TF: variants seen among roughly 807,000 people sequenced by gnomAD.
The protein encoded by TF is transferrin.
TF carries 55 observed loss-of-function variants against 82.4 expected under a neutral mutation model. That is an observed-to-expected ratio of 0.67 (90% confidence interval 0.54 to 0.84). The LOEUF is 0.84. TF is among the 40% of genes least tolerant of loss of function. TF has a pLI of 0.00. For synonymous variants in TF, 332 were observed against 332.6 expected (o/e 1.00, Z 0.02); for missense variants, 737 against 868.4 (o/e 0.85, Z 1.90).
the TF span, among the ~76,000 whole-genome samples, chr3:133,723,851 T>A: frequency 6.6e-6 from 1 of 151,692 alleles, no homozygotes; most frequent in Non-Finnish European, 1.5e-5. Flanking sequence ...TTCCCCTTCC[T>A]GTGTCCATGT....
In TF at chr3:133,756,943, T is replaced by C. The variant is rs8177232; in HGVS notation, c.804T>C (p.His268=). 0.01 allele frequency: 16,367 copies of C among 1,614,086 alleles called. 1,369 individuals are homozygous for C. In the African/African-American group the frequency reaches 0.19, roughly 19 times the overall value. The change falls in exon 7 of 17, where the codon CAT becomes CAC. Residue 268 remains histidine, a synonymous_variant. Coordinates refer to ENST00000402696, the MANE Select transcript of TF (RefSeq NM_001063.4). The part of the protein sequence containing the change: ...KDCHLAQVPS[H]TVVARSMGGK... ...GCCACTTGGCCCAGGTCCCTTCTCA[T>C]ACCGTCGTGGCCCGAAGTATGGGCG... is the stretch of plus-strand genomic sequence containing the variant.
the TF span, among the ~76,000 whole-genome samples, chr3:133,723,074 TC>T: frequency 6.6e-6 from 1 of 152,088 alleles, no homozygotes; most frequent in African/African-American, 2.4e-5. Flanking sequence ...AGTTTTTTTT[TC>T]CTCTCAGCAC....
chr3:133,670,971 T>C, the TF span, among the ~76,000 whole-genome samples: 1 of 152,080 alleles, frequency 6.6e-6, no homozygotes, highest in Non-Finnish European at 1.5e-5. Context: ...CAAGATCCCA[T>C]TGAGAAGGGA....
the TF span, among the ~76,000 whole-genome samples, chr3:133,686,137 G>C: frequency 1.5e-3 from 226 of 152,222 alleles, 2 homozygotes; most frequent in African/African-American, 5.2e-3. Flanking sequence ...CGAAAACTGG[G>C]TAGCCATATG....
rs892558121 is a variant in TF at position 133,791,360 on chromosome 3, G to A, written c.*12740G>A. On this transcript the variant is annotated 3_prime_UTR_variant, in exon 17 of 17. Coordinates refer to ENST00000402696, the MANE Select transcript of TF (RefSeq NM_001063.4). ...GAATATTCTTAATTCATGGCAATGTGTTTGTTTGCATATAGTCAAGCAGGG... is the reference window on the plus strand; with the variant it reads ...GAATATTCTTAATTCATGGCAATGTATTTGTTTGCATATAGTCAAGCAGGG... 11 of 152,158 alleles carry A rather than the reference G, an allele frequency of 7.2e-5. No homozygotes were observed. The highest frequency in any genetic ancestry group is 1.3e-4 in the Non-Finnish European group (9 of 68,030). The allele number at this position is 152,158 out of a possible 1,614,324, so 9.4% of individuals were successfully genotyped here.
In TF at chr3:133,755,475, C is replaced by A. The variant is rs1046416896; in HGVS notation, c.615C>A (p.Phe205Leu). Reference sequence around the variant, plus strand: ...GCTGCTCCACCCTTAACCAATACTTCGGCTACTCGGGAGCCTTCAAGTGAG... The same window carrying A: ...GCTGCTCCACCCTTAACCAATACTTAGGCTACTCGGGAGCCTTCAAGTGAG... ...GCGCSTLNQY[F>L]GYSGAFKCLK... The change falls in exon 5 of 17, where the codon TTC (phenylalanine) becomes TTA (leucine). Residue 205 changes from phenylalanine (F) to leucine (L), a missense_variant. Physicochemically the swap from Phe to Leu is conservative, Grantham distance 22. Coordinates refer to ENST00000402696, the MANE Select transcript of TF (RefSeq NM_001063.4). 6.2e-7 allele frequency: 1 copy of A among 1,614,016 alleles called. No individual in the cohort carries two copies. Among genetic ancestry groups the A allele is most frequent in the African/African-American group, 1.3e-5 (1 of 74,936 alleles).
At position 133,754,041 on chromosome 3, in the gene TF, C is replaced by T. The variant is rs1933753507; in HGVS notation, c.325+338C>T. The T allele has an allele frequency of 5.1e-5, 24 of 467,436 alleles. 2 individuals carry two copies. The highest frequency in any genetic ancestry group is 4.9e-4 in the South Asian group (23 of 46,748). The allele number at this position is 467,436 out of a possible 1,614,324, so 29.0% of individuals were successfully genotyped here. A position where few individuals can be genotyped will look rare whatever the true frequency, so the allele number is the denominator to read the frequency against. ...GAGGCCTCTGGAGCCATAGGTACCA[C>T]TCACACAGGAGGGGTCACTCTGGAG... is the stretch of plus-strand genomic sequence containing the variant. On this transcript the variant is annotated intron_variant, in intron 3 of 16. Transcript: ENST00000402696.
chr3:133,717,137 C>T, the TF span, among the ~76,000 whole-genome samples: 1,013 of 152,272 alleles, frequency 6.7e-3, 8 homozygotes, highest in African/African-American at 0.023. Context: ...TATATTTTCT[C>T]TACTTACCTT....
At chr3:133,705,683 G>A in the TF span, among the ~76,000 whole-genome samples, 1 of 152,326 alleles carries the variant, frequency 6.6e-6, no homozygotes, top group East Asian at 1.9e-4. Flanking sequence ...TTTGGATGGA[G>A]TAATGTGAGG....
the TF span, among the ~76,000 whole-genome samples, chr3:133,716,649 C>G: frequency 6.6e-6 from 1 of 152,304 alleles, no homozygotes; most frequent in East Asian, 1.9e-4. Context: ...TTGTCCCACT[C>G]TCCTCCACAA....
rs1018194549 is a variant in TF, at chr3:133,787,030, G to T, written c.*8410G>T. 2 of 152,146 alleles carry T rather than the reference G, an allele frequency of 1.3e-5. No homozygotes were observed. Among genetic ancestry groups the T allele is most frequent in the African/African-American group, 4.8e-5 (2 of 41,428 alleles). The allele number at this position is 152,146 out of a possible 1,614,324, so 9.4% of individuals were successfully genotyped here. Reference sequence around the variant, plus strand: ...TTGTTCAATGGTTTAGAAATGGGAGGGAAGAAATTGCCAAAGGTAATATGC... The same window carrying T: ...TTGTTCAATGGTTTAGAAATGGGAGTGAAGAAATTGCCAAAGGTAATATGC... On this transcript the variant is annotated 3_prime_UTR_variant, in exon 17 of 17. Coordinates refer to ENST00000402696, the MANE Select transcript of TF (RefSeq NM_001063.4).
intron 2 of TF, among the ~76,000 whole-genome samples, chr3:133,750,358 C>G (rs1933625496): frequency 6.6e-6 from 1 of 152,136 alleles, no homozygotes; most frequent in Non-Finnish European, 1.5e-5. Flanking sequence ...GGAAATTCTA[C>G]AGTTCTCAGC....
In TF at chr3:133,756,224, AG is replaced by A. The variant is rs1001625738; in HGVS notation, c.636-56del. 1.3e-5 allele frequency: 20 copies of A among 1,530,740 alleles called. No homozygotes were observed. In the African/African-American group the frequency reaches 2.6e-4, roughly 20 times the overall value. 94.8% of individuals were successfully genotyped at this position (1,530,740 alleles called of 1,614,324 possible). A position where few individuals can be genotyped will look rare whatever the true frequency, so the allele number is the denominator to read the frequency against. The stretch of plus-strand genomic sequence containing the variant: ...GCTGGACAGTGTGATCAGACTCTCC[AG>A]GTGCAGGAGAAGGGCCTGCCCTGCA... On this transcript the variant is annotated intron_variant, in intron 5 of 16. Coordinates refer to ENST00000402696, the MANE Select transcript of TF (RefSeq NM_001063.4).
chr3:133,767,962 A>G, intron 12 of TF, 67 bp from the exon 13 acceptor site: 4 of 1,595,628 alleles, frequency 2.5e-6, no homozygotes, highest in Non-Finnish European at 3.4e-6. Flanking sequence ...CAGCCCTGTT[A>G]TCTCTTAAAT....
chr3:133,745,473 G>A (rs571644832), upstream of TF, among the ~76,000 whole-genome samples: 1 of 152,320 alleles, frequency 6.6e-6, no homozygotes, highest in East Asian at 1.9e-4. Context: ...CATGATTGAA[G>A]TGTACACATT....
chr3:133,666,677 A>G, the TF span, among the ~76,000 whole-genome samples: 1 of 152,140 alleles, frequency 6.6e-6, no homozygotes, highest in Non-Finnish European at 1.5e-5. Flanking sequence ...GCTGCATTTA[A>G]TTAGATAAGC....
rs34879526 is a variant in TF, at chr3:133,787,708, A to G, written c.*9088A>G. On this transcript the variant is annotated 3_prime_UTR_variant, in exon 17 of 17. Coordinates refer to ENST00000402696, the MANE Select transcript of TF (RefSeq NM_001063.4). Reference sequence around the variant, plus strand: ...AGATGTTTTGCTATTGTGTACTAGAAAATTTCAGTTTATCCATTGCCTTAT... The same window carrying G: ...AGATGTTTTGCTATTGTGTACTAGAGAATTTCAGTTTATCCATTGCCTTAT... The G allele has an allele frequency of 1.3e-5, 2 of 152,200 alleles. No individual in the cohort carries two copies. Among genetic ancestry groups the G allele is most frequent in the Admixed American group, 1.3e-4 (2 of 15,278 alleles). The allele number at this position is 152,200 out of a possible 1,614,324, so 9.4% of individuals were successfully genotyped here.
chr3:133,778,555 G>A, intron 16 of TF, 31 bp from the exon 17 acceptor site: 1 of 1,611,184 alleles, frequency 6.2e-7, no homozygotes, highest in South Asian at 1.1e-5. Context: ...GGAAGATTTT[G>A]AAAATCCTAC....
At chr3:133,695,290 C>T in the TF span, among the ~76,000 whole-genome samples, 3 of 147,374 alleles carry the variant, frequency 2.0e-5, no homozygotes, top group African/African-American at 7.6e-5. Context: ...CCTCTGTCAC[C>T]AGGCTGGAGT....
Sources: allele counts gnomAD v4.1 joint callset (sites outside exome capture counted in the v4.1 genomes callset), GRCh38; gene constraint gnomAD v4.1.1; transcripts MANE v1.5; gene names NCBI Gene and HGNC (gene_info 2026-07-23, HGNC 2026-07-21).